TNPO3: variants seen among roughly 807,000 people sequenced by gnomAD.
TNPO3 encodes transportin 3, also known as transportin-3.
In TNPO3, 65 loss-of-function variants were observed where a neutral mutation model predicts 122.8. The observed-to-expected ratio is 0.53, with a 90% CI of 0.43 to 0.65. The LOEUF (loss-of-function observed/expected upper bound fraction) is 0.65, where lower values mean the gene tolerates loss of function less well. Ranked by LOEUF, TNPO3 falls within the 30% of genes least tolerant of loss-of-function variation. The pLI is 0.00. For missense variants in TNPO3, 850 were observed against 1,136.7 expected (o/e 0.75, Z 3.63); for synonymous variants, 372 against 411.2 (o/e 0.90, Z 1.15).
chr7:129,054,939 CCCCT>C lies in TNPO3; in HGVS notation c.-173_-170del. 3.6e-6 allele frequency: 3 copies of C among 841,258 alleles called. No individual in the cohort carries two copies. In the South Asian group the frequency reaches 5.3e-5, roughly 15 times the overall value. The allele number at this position is 841,258 out of a possible 1,614,324, so 52.1% of individuals were successfully genotyped here. A position where few individuals can be genotyped will look rare whatever the true frequency, so the allele number is the denominator to read the frequency against. On this transcript the variant is annotated 5_prime_UTR_variant, in exon 1 of 23. Coordinates refer to ENST00000265388, the MANE Select transcript of TNPO3 (RefSeq NM_012470.4). ...GCAGAAGGCTCTCCGTGGAAGTTGCCCCCTCGGAAACAGCTATTAGGTCGTATTC... is the reference window on the plus strand; with the variant it reads ...GCAGAAGGCTCTCCGTGGAAGTTGCCCGGAAACAGCTATTAGGTCGTATTC...
At chr7:129,054,619 G>C (rs1229155620) in intron 1 of TNPO3, 32 bp downstream of exon 1, 2 of 1,610,670 alleles carry the variant, frequency 1.2e-6, no homozygotes. Flanking sequence ...CCCCGGCCGT[G>C]CGGCACAGAA....
At chr7:128,964,970 C>T (rs994527505) in intron 21 of TNPO3, among the ~76,000 whole-genome samples, 1 of 152,106 alleles carries the variant, frequency 6.6e-6, no homozygotes, top group Non-Finnish European at 1.5e-5. Context: ...TGATATAAGA[C>T]CTAAAACTGT....
chr7:128,990,087 T>A lies in TNPO3; in HGVS notation c.1372A>T (p.Thr458Ser). The change falls in exon 11 of 23, where the codon ACA becomes TCA. Residue 458 changes from threonine (T) to serine (S), a missense_variant. Coordinates refer to ENST00000265388, the MANE Select transcript of TNPO3 (RefSeq NM_012470.4). The stretch of plus-strand genomic sequence containing the variant: ...ACTCCTTCTAGGACTTCCACAAGTG[T>A]TGGATTGTTTTCCCTGAGTACAGGC... ...AKSVDPENNP[T>S]LVEVLEGVVR... 1 of 1,614,176 alleles carries A rather than the reference T, an allele frequency of 6.2e-7. No homozygotes were observed. Among genetic ancestry groups the A allele is most frequent in the Non-Finnish European group, 8.5e-7 (1 of 1,180,034 alleles).
At chr7:129,035,244 G>C (rs528685011) in intron 1 of TNPO3, among the ~76,000 whole-genome samples, 45 of 150,916 alleles carry the variant, frequency 3.0e-4, no homozygotes, top group Middle Eastern at 3.5e-3. Flanking sequence ...ACTGCAGTCC[G>C]GCCTGGGCGA....
chr7:128,972,318 A>G (rs1266335845), intron 19 of TNPO3, 108 bp downstream of exon 19: 1 of 1,262,522 alleles, frequency 7.9e-7, no homozygotes, highest in South Asian at 1.4e-5. Flanking sequence ...ATGTCTACCA[A>G]TATAGATCAA....
chr7:129,051,733 T>G (rs1235973604), intron 1 of TNPO3, among the ~76,000 whole-genome samples: 1 of 152,060 alleles, frequency 6.6e-6, no homozygotes, highest in African/African-American at 2.4e-5. Flanking sequence ...AACCTCCACC[T>G]CCTGGGTTCA....
chr7:129,014,078 T>G (rs1803548905), intron 4 of TNPO3, among the ~76,000 whole-genome samples: 1 of 152,214 alleles, frequency 6.6e-6, no homozygotes, highest in Admixed American at 6.5e-5. Context: ...TGACTATAGT[T>G]AATAATTTAT....
At chr7:129,024,143 T>C (rs1460231382) in intron 1 of TNPO3, among the ~76,000 whole-genome samples, 1 of 152,250 alleles carries the variant, frequency 6.6e-6, no homozygotes, top group African/African-American at 2.4e-5. Flanking sequence ...AAGGAATCTT[T>C]GGAGCTTCTG....
At chr7:129,052,279 T>G (rs1248189133) in intron 1 of TNPO3, among the ~76,000 whole-genome samples, 1 of 152,188 alleles carries the variant, frequency 6.6e-6, no homozygotes, top group Admixed American at 6.5e-5. Flanking sequence ...TCCTCCAGCT[T>G]CATTCTCTCA....
At chr7:129,043,493 T>C (rs10279821) in intron 1 of TNPO3, among the ~76,000 whole-genome samples, 97,186 of 152,034 alleles carry the variant, frequency 0.64, 31,417 homozygotes, top group Middle Eastern at 0.71. Context: ...CCGGATTCTT[T>C]GAAATCCCAG....
chr7:129,054,818 G>C lies in TNPO3; in HGVS notation c.-48C>G, dbSNP rs774079647. On this transcript the variant is annotated 5_prime_UTR_variant, in exon 1 of 23. Coordinates refer to ENST00000265388, the MANE Select transcript of TNPO3 (RefSeq NM_012470.4). ...GCGACGGCTCTGATTCTTCTCCGGA[G>C]GATTCCTCGGTTGCTCCGCCTTCGC... 9.3e-6 allele frequency: 15 copies of C among 1,612,016 alleles called. No individual in the cohort carries two copies. The highest frequency in any genetic ancestry group is 1.6e-4 in the Middle Eastern group (1 of 6,078).
chr7:129,007,657 G>A (rs997673886), intron 4 of TNPO3, among the ~76,000 whole-genome samples: 2 of 152,178 alleles, frequency 1.3e-5, no homozygotes, highest in African/African-American at 2.4e-5. Flanking sequence ...ACTCACTTCC[G>A]CTCATTTTCA....
chr7:129,022,609 C>T (rs1053471430), intron 1 of TNPO3, among the ~76,000 whole-genome samples: 1 of 151,672 alleles, frequency 6.6e-6, no homozygotes, highest in African/African-American at 2.4e-5. Flanking sequence ...AATTAATATA[C>T]TTAAAGAAAA....
At chr7:129,050,407 G>GA (rs79518897) in intron 1 of TNPO3, among the ~76,000 whole-genome samples, 1 of 141,652 alleles carries the variant, frequency 7.1e-6, no homozygotes, top group African/African-American at 2.6e-5. Context: ...AAAAAGGGTG[G>GA]GGGGGGAATC....
intron 1 of TNPO3, among the ~76,000 whole-genome samples, chr7:129,044,185 C>T (rs1807744546): frequency 6.6e-6 from 1 of 152,218 alleles, no homozygotes; most frequent in Non-Finnish European, 1.5e-5. Flanking sequence ...GCCTTGGCCT[C>T]CCAAAATGCT....
chr7:129,031,326 T>G (rs555540901), intron 1 of TNPO3, among the ~76,000 whole-genome samples: 76 of 148,218 alleles, frequency 5.1e-4, no homozygotes, highest in Non-Finnish European at 7.9e-4. Flanking sequence ...AAGAAAGAAA[T>G]AAGAGGATTT....
intron 16 of TNPO3, 82 bp from the exon 17 acceptor site, chr7:128,976,017 CAGAG>C: frequency 1.0e-6 from 1 of 956,962 alleles, no homozygotes. Context: ...GGAAGAAATT[CAGAG>C]ATAGATTGGC....
At chr7:129,024,698 A>G (rs1034151489) in intron 1 of TNPO3, among the ~76,000 whole-genome samples, 8 of 152,220 alleles carry the variant, frequency 5.3e-5, no homozygotes, top group Non-Finnish European at 8.8e-5. Context: ...GAAACTCTAT[A>G]GGTCAAATGG....
In TNPO3 at chr7:128,977,732, G is replaced by C. The variant is rs1022101601; in HGVS notation, c.2061+1251C>G. On this transcript the variant is annotated intron_variant, in intron 16 of 22. Coordinates refer to ENST00000265388, the MANE Select transcript of TNPO3 (RefSeq NM_012470.4). Reference sequence around the variant, plus strand: ...CTTCCTCAGCCTCATGAATAGCTGGGACTACAGGCGCCTGCCACTGCGCCT... The same window carrying C: ...CTTCCTCAGCCTCATGAATAGCTGGCACTACAGGCGCCTGCCACTGCGCCT... Among the ~76,000 whole-genome samples, 3 of 152,214 alleles carry C rather than the reference G, an allele frequency of 2.0e-5. No individual in the cohort carries two copies. In the East Asian group the frequency reaches 5.8e-4, roughly 29 times the overall value.
Sources: gnomAD v4.1 joint callset for allele counts (sites outside exome capture counted in the v4.1 genomes callset) on GRCh38, gnomAD v4.1.1 for gene constraint, MANE v1.5 for transcripts, NCBI Gene and HGNC (gene_info 2026-07-23, HGNC 2026-07-21) for gene names.